The following SEMA7A variants were observed in gnomAD, a reference collection of about 807,000 sequenced individuals.
The protein encoded by SEMA7A is semaphorin-7A.
Under a neutral mutation model 67.5 loss-of-function variants are expected in SEMA7A, and 21 were observed. The ratio of observed to expected loss-of-function variants is 0.31; its 90% CI spans 0.22 to 0.45. The LOEUF (loss-of-function observed/expected upper bound fraction) is 0.45. Among genes scored for constraint, SEMA7A ranks in the 20% least tolerant of loss-of-function variants. The pLI is 1.00. For synonymous variants in SEMA7A, 364 were observed against 368.5 expected (o/e 0.99, Z 0.14); for missense variants, 774 against 908.6 (o/e 0.85, Z 1.90).
Position 74,417,276 on chromosome 15 carries a change from G to T in SEMA7A, c.661+59C>A, listed in dbSNP as rs920554299. 3.0e-6 allele frequency: 4 copies of T among 1,331,106 alleles called. No individual in the cohort carries two copies. In the South Asian group the frequency reaches 4.7e-5, roughly 16 times the overall value. The allele number at this position is 1,331,106 out of a possible 1,614,324, so 82.5% of individuals were successfully genotyped here. On this transcript the variant is annotated intron_variant, in intron 6 of 13. Coordinates refer to ENST00000261918, the MANE Select transcript of SEMA7A (RefSeq NM_003612.5). ...TCCCAGAAACATCAGGATCCCATCTGCCACCTTAAGTGCTCACACCCCCTT... is the reference window on the plus strand; with the variant it reads ...TCCCAGAAACATCAGGATCCCATCTTCCACCTTAAGTGCTCACACCCCCTT...
chr15:74,424,197 G>A (rs1809985106), intron 1 of SEMA7A, among the ~76,000 whole-genome samples: 1 of 152,166 alleles, frequency 6.6e-6, no homozygotes, highest in Admixed American at 6.5e-5. Flanking sequence ...CAGCTGGCTG[G>A]CTGTGACGGT....
chr15:74,418,082 G>T, intron 3 of SEMA7A, 113 bp from the exon 4 acceptor site: 1 of 1,299,480 alleles, frequency 7.7e-7, no homozygotes, highest in Non-Finnish European at 1.1e-6. Context: ...GCTTAGCATA[G>T]GTGACAGCCT....
At chr15:74,429,353 A>T (rs1003069486) in intron 1 of SEMA7A, among the ~76,000 whole-genome samples, 1 of 152,186 alleles carries the variant, frequency 6.6e-6, no homozygotes, top group Admixed American at 6.5e-5. Flanking sequence ...CTCAAAAAAC[A>T]GAGCCCAGCT....
intron 1 of SEMA7A, chr15:74,427,066 G>T: frequency 3.7e-6 from 1 of 269,410 alleles, no homozygotes; most frequent in Non-Finnish European, 5.7e-6. Flanking sequence ...CTGTGCACAT[G>T]GATCTTACCT....
At chr15:74,424,447 C>T (rs1245498914) in intron 1 of SEMA7A, among the ~76,000 whole-genome samples, 2 of 152,206 alleles carry the variant, frequency 1.3e-5, no homozygotes, top group Admixed American at 1.3e-4. Flanking sequence ...CTGACATTCT[C>T]ATCTGCTTCC....
intron 8 of SEMA7A, among the ~76,000 whole-genome samples, chr15:74,415,407 TGA>T (rs1327457745): frequency 6.6e-6 from 1 of 152,006 alleles, no homozygotes; most frequent in Non-Finnish European, 1.5e-5. Context: ...GTTCAATCAA[TGA>T]GAGTGATTAA....
chr15:74,416,169 G>A (rs575965456), intron 7 of SEMA7A, among the ~76,000 whole-genome samples, 184 bp from the exon 8 acceptor site: 12 of 152,252 alleles, frequency 7.9e-5, no homozygotes, highest in Non-Finnish European at 1.3e-4. Flanking sequence ...ACTCCAGCAA[G>A]CAGGCCTGGC....
At chr15:74,418,402 A>G (rs1156988976) in intron 2 of SEMA7A, 93 bp from the exon 3 acceptor site, 2 of 1,252,208 alleles carry the variant, frequency 1.6e-6, no homozygotes, top group Non-Finnish European at 2.3e-6. Context: ...CCCCAAAGGA[A>G]GCAACCATTA....
Position 74,415,914 on chromosome 15 carries a change from G to A in SEMA7A, c.873C>T (p.Cys291=), listed in dbSNP as rs139391882. The change falls in exon 8 of 14, where the codon TGC becomes TGT. Residue 291 remains cysteine (C), a synonymous_variant. Coordinates refer to ENST00000261918, the MANE Select transcript of SEMA7A (RefSeq NM_003612.5). ...AGTTCTTGTTGGTGGCAGCATCACT[G>A]CATACCAGCATGGCTTTCAGAAAAG... is the stretch of plus-strand genomic sequence containing the variant. ...WNTFLKAMLV[C]SDAATNKNFN... 1,198 of 1,614,018 alleles carry A rather than the reference G, an allele frequency of 7.4e-4. 1 individual carries two copies. The highest frequency in any genetic ancestry group is 8.9e-4 in the Non-Finnish European group (1,054 of 1,179,990).
chr15:74,418,075 T>C (rs1002987621), intron 3 of SEMA7A, 106 bp from the exon 4 acceptor site: 7 of 1,357,578 alleles, frequency 5.2e-6, no homozygotes, highest in Non-Finnish European at 1.0e-6. Context: ...CAGAAGGGCT[T>C]AGCATAGGTG....
rs754206419 is a variant in SEMA7A at position 74,418,934 on chromosome 15, C to T, written c.197G>A (p.Arg66Gln). The part of the protein sequence containing the change: ...AVWKGHVGQD[R>Q]VDFGQTEPHT... ...CGGCTCAGTCTGGCCAAAGTCCACC[C>T]GGTCCTGCCCTACATGGCCTGAGGA... Residue 66 changes from arginine (R) to glutamine (Q), a missense_variant, in exon 2 of 14, where the codon CGG (arginine) becomes CAG (glutamine). This residue lies in a region of SEMA7A where 347 missense variants were observed against 353.2 expected (regional missense o/e 0.98). Coordinates refer to ENST00000261918, the MANE Select transcript of SEMA7A (RefSeq NM_003612.5). The T allele has an allele frequency of 1.4e-5, 22 of 1,613,586 alleles. No individual in the cohort carries two copies. The highest frequency in any genetic ancestry group is 1.1e-4 in the East Asian group (5 of 44,882).
chr15:74,427,640 T>C (rs1372286362), intron 1 of SEMA7A, among the ~76,000 whole-genome samples: 4 of 152,232 alleles, frequency 2.6e-5, no homozygotes, highest in East Asian at 3.9e-4. Flanking sequence ...ACAATATGAA[T>C]AGCTGTCTAT....
chr15:74,417,993 G>A, intron 3 of SEMA7A, 24 bp from the exon 4 acceptor site: 2 of 1,610,254 alleles, frequency 1.2e-6, no homozygotes, highest in Non-Finnish European at 1.7e-6. Flanking sequence ...AGAGAAGGGA[G>A]GAGAGAAATT....
chr15:74,411,219 C>A lies in SEMA7A; in HGVS notation c.1639+76G>T. Reference sequence around the variant, plus strand: ...GCCCACAGGACAAGGCCATGTCTCCCTCAGACCAGGACAATCAGGGCAGGG... The same window carrying A: ...GCCCACAGGACAAGGCCATGTCTCCATCAGACCAGGACAATCAGGGCAGGG... On this transcript the variant is annotated intron_variant, in intron 13 of 13. Transcript: ENST00000261918. This position sits in a 1 kb window ranked among gnomAD's most constrained non-coding sequence, Gnocchi z 4.4. 6.6e-7 allele frequency: 1 copy of A among 1,511,532 alleles called. No homozygotes were observed. The highest frequency in any genetic ancestry group is 1.2e-5 in the South Asian group (1 of 81,892). 93.6% of individuals were successfully genotyped at this position (1,511,532 alleles called of 1,614,324 possible).
At chr15:74,418,149 C>T (rs770632565) in intron 3 of SEMA7A, 119 bp downstream of exon 3, 8 of 1,194,504 alleles carry the variant, frequency 6.7e-6, no homozygotes, top group Admixed American at 1.9e-5. Flanking sequence ...CAGAGGACCA[C>T]GTCTCCCCAT....
intron 8 of SEMA7A, 83 bp from the exon 9 acceptor site, chr15:74,415,029 G>A: frequency 2.6e-6 from 3 of 1,153,852 alleles, no homozygotes; most frequent in South Asian, 2.6e-5. Flanking sequence ...CCTTGTGCCT[G>A]GCACTGAGTT....
At chr15:74,422,763 C>A (rs1484953798) in intron 1 of SEMA7A, among the ~76,000 whole-genome samples, 1 of 152,264 alleles carries the variant, frequency 6.6e-6, no homozygotes. Context: ...CAGCAGCTGA[C>A]CGACTGTGGC....
intron 1 of SEMA7A, among the ~76,000 whole-genome samples, chr15:74,426,409 A>C (rs1386267594): frequency 1.3e-5 from 2 of 152,198 alleles, no homozygotes; most frequent in Non-Finnish European, 2.9e-5. Flanking sequence ...GTGTGGCTTC[A>C]GGTACACCAG....
rs147542975 is a variant in SEMA7A at position 74,421,527 on chromosome 15, C to G, written c.179-2575G>C. ...GCCCAGGACCACGGCCTCCCATGAC[C>G]CCCAGGTTCCTGGCCCTCCCACCTC... On this transcript the variant is annotated intron_variant, in intron 1 of 13. Coordinates refer to ENST00000261918, the MANE Select transcript of SEMA7A (RefSeq NM_003612.5). Among the ~76,000 whole-genome samples, 9 of 152,262 alleles carry G rather than the reference C, an allele frequency of 5.9e-5. No individual in the cohort carries two copies. In the East Asian group the frequency reaches 1.7e-3, roughly 29 times the overall value.
Sources: allele counts gnomAD v4.1 joint callset (sites outside exome capture counted in the v4.1 genomes callset), GRCh38; gene constraint gnomAD v4.1.1; regional missense constraint gnomAD v4.1.1; non-coding constraint Gnocchi (gnomAD v3.1); transcripts MANE v1.5; gene names NCBI Gene and HGNC (gene_info 2026-07-23, HGNC 2026-07-21).